Variants in HOMER2 observed in about 807,000 individuals in gnomAD.
HOMER2 encodes homer scaffold protein 2, also known as homer protein homolog 2.
In HOMER2, 27 loss-of-function variants were observed where a neutral mutation model predicts 47.0. The observed-to-expected ratio is 0.57, with a 90% CI of 0.42 to 0.79. HOMER2 has a LOEUF of 0.79. Among genes scored for constraint, HOMER2 ranks in the 30% least tolerant of loss-of-function variants. The probability of loss-of-function intolerance (pLI) is 0.00; values close to 1 mark genes in which losing one functional copy is unlikely to be tolerated. For synonymous variants in HOMER2, 161 were observed against 163.8 expected (o/e 0.98, Z 0.13); for missense variants, 443 against 435.0 (o/e 1.02, Z -0.16).
At chr15:82,864,783 T>G (rs2051911944) in intron 3 of HOMER2, among the ~76,000 whole-genome samples, 1 of 152,258 alleles carries the variant, frequency 6.6e-6, no homozygotes, top group Admixed American at 6.5e-5. Flanking sequence ...TATTAATATC[T>G]TAATAGTTCC....
chr15:82,865,455 G>A (rs575239721), intron 3 of HOMER2, among the ~76,000 whole-genome samples: 28 of 152,260 alleles, frequency 1.8e-4, no homozygotes, highest in Non-Finnish European at 3.5e-4. Flanking sequence ...TTTTAGGCTT[G>A]CACAGCCCTG....
intron 1 of HOMER2, among the ~76,000 whole-genome samples, chr15:82,974,835 C>T (rs886273084): frequency 1.3e-5 from 2 of 151,996 alleles, no homozygotes; most frequent in Non-Finnish European, 2.9e-5. Context: ...TTCGGGAGGC[C>T]GAGGCAGGTG....
chr15:82,895,212 C>A (rs2052867807), intron 1 of HOMER2, among the ~76,000 whole-genome samples: 1 of 152,208 alleles, frequency 6.6e-6, no homozygotes, highest in South Asian at 2.1e-4. Flanking sequence ...GGACAAGTGC[C>A]TCTGGGGCTG....
intron 1 of HOMER2, among the ~76,000 whole-genome samples, chr15:82,895,962 G>A (rs2052898890): frequency 6.6e-6 from 1 of 152,106 alleles, no homozygotes; most frequent in African/African-American, 2.4e-5. Flanking sequence ...GATATAATCA[G>A]ATGATCTAAA....
At chr15:82,857,571 C>T (rs1196030183) in intron 5 of HOMER2, among the ~76,000 whole-genome samples, 2 of 152,058 alleles carry the variant, frequency 1.3e-5, no homozygotes, top group Non-Finnish European at 2.9e-5. Context: ...GCTGGGATTA[C>T]AGGCATGTAT....
chr15:82,839,667 A>G (rs1167823188), exon 2 of HOMER2: 2 of 152,252 alleles, frequency 1.3e-5, no homozygotes, highest in Non-Finnish European at 2.9e-5. Flanking sequence ...GAAACAAAGC[A>G]AAAACTGTTA....
At chr15:82,977,474 G>A (rs1397218082) in intron 1 of HOMER2, among the ~76,000 whole-genome samples, 1 of 152,196 alleles carries the variant, frequency 6.6e-6, no homozygotes, top group East Asian at 1.9e-4. Context: ...GTGACCATCT[G>A]CTCAGAGAAA....
chr15:82,971,274 T>C (rs1023591596), intron 1 of HOMER2, among the ~76,000 whole-genome samples: 4 of 152,160 alleles, frequency 2.6e-5, no homozygotes, highest in African/African-American at 9.7e-5. Flanking sequence ...GCTCATGTGC[T>C]CCTTCCTGTA....
At chr15:82,922,979 T>C (rs1225684157) in intron 1 of HOMER2, among the ~76,000 whole-genome samples, 1 of 152,038 alleles carries the variant, frequency 6.6e-6, no homozygotes, top group Non-Finnish European at 1.5e-5. Flanking sequence ...AAGTGCAAAT[T>C]GGTCACCTCT....
rs1275275725 is a variant in HOMER2, at chr15:82,854,708, C to A, written c.587G>T (p.Ser196Ile). The change falls in exon 6 of 9, where the codon AGT becomes ATT. Residue 196 changes from serine (S) to isoleucine (I), a missense_variant. Coordinates refer to ENST00000450735, the MANE Select transcript of HOMER2 (RefSeq NM_004839.4). ...GAACTGCCTCTTCCACTGCTCCACA[C>A]TGGCTGCCGACTCCTGCAGTGCTGT... ...LTTALQESAA[S>I]VEQWKRQFSI... 1 of 1,613,058 alleles carries A rather than the reference C, an allele frequency of 6.2e-7. No individual in the cohort carries two copies. Among genetic ancestry groups the A allele is most frequent in the Non-Finnish European group, 8.5e-7 (1 of 1,179,886 alleles).
At chr15:82,904,965 G>A (rs908442073) in intron 1 of HOMER2, among the ~76,000 whole-genome samples, 1 of 152,206 alleles carries the variant, frequency 6.6e-6, no homozygotes, top group Non-Finnish European at 1.5e-5. Flanking sequence ...TGGCAGGCAT[G>A]TTGGAATTAT....
chr15:82,897,938 A>G (rs2052988215), intron 1 of HOMER2, among the ~76,000 whole-genome samples: 1 of 152,248 alleles, frequency 6.6e-6, no homozygotes, highest in African/African-American at 2.4e-5. Flanking sequence ...ACACACAGCA[A>G]TGTGGTTTAA....
At chr15:82,868,523 T>TATA (rs2052055665) in intron 3 of HOMER2, among the ~76,000 whole-genome samples, 12 of 36,638 alleles carry the variant, frequency 3.3e-4, no homozygotes, top group South Asian at 3.6e-3. Flanking sequence ...CTTATTTATT[T>TATA]TATATATATA....
chr15:82,931,281 C>T lies in HOMER2; in HGVS notation c.5+21250G>A, dbSNP rs114889976. Among the ~76,000 whole-genome samples, 1,514 of 152,230 alleles carry T rather than the reference C, an allele frequency of 9.9e-3. 20 individuals are homozygous for T. Among genetic ancestry groups the T allele is most frequent in the African/African-American group, 0.035 (1,446 of 41,536 alleles). ...AGAGCTCTGCCCTTGAGAGACAGGC[C>T]CCCTGGGGCCACAGTGTGACCAGCC... On this transcript the variant is annotated intron_variant, in intron 1 of 8. Transcript: ENST00000450735.
chr15:82,936,778 T>G (rs2054152058), intron 1 of HOMER2, among the ~76,000 whole-genome samples: 1 of 151,622 alleles, frequency 6.6e-6, no homozygotes, highest in South Asian at 2.1e-4. Flanking sequence ...GGTTTCTCCA[T>G]GAACTCCTGA....
Position 82,840,275 on chromosome 15 carries a change from CAGTAAAAT to C in HOMER2, c.*6991_*6998del, listed in dbSNP as rs1319491090. ...CGAAAAGAATCATGAAATAGTAAAA[CAGTAAAAT>C]TAAGATATAAATCTCAGAGTTGGTT... On this transcript the variant is annotated 3_prime_UTR_variant, in exon 2 of 2. Transcript: ENST00000558090. 3 of 151,914 alleles carry C rather than the reference CAGTAAAAT, an allele frequency of 2.0e-5. No individual in the cohort carries two copies. The East Asian group carries it at 5.8e-4, about 29-fold the overall frequency. The allele number at this position is 151,914 out of a possible 1,614,324, so 9.4% of individuals were successfully genotyped here.
At chr15:82,935,197 C>T (rs564764956) in intron 1 of HOMER2, among the ~76,000 whole-genome samples, 1 of 152,314 alleles carries the variant, frequency 6.6e-6, no homozygotes, top group South Asian at 2.1e-4. Context: ...GCTCCCTTAA[C>T]AGTCAACTTC....
At chr15:82,977,515 C>G (rs1349993951) in intron 1 of HOMER2, among the ~76,000 whole-genome samples, 1 of 152,012 alleles carries the variant, frequency 6.6e-6, no homozygotes, top group Non-Finnish European at 1.5e-5. Flanking sequence ...TTTTCAGAGC[C>G]TCAAATCAGT....
At chr15:82,841,836 A>G (rs2051179114) in exon 2 of HOMER2, 1 of 152,230 alleles carries the variant, frequency 6.6e-6, no homozygotes, top group South Asian at 2.1e-4. Context: ...AGAATGAGGT[A>G]GATTGATGTG....
Sources: allele counts gnomAD v4.1 joint callset (sites outside exome capture counted in the v4.1 genomes callset), GRCh38; gene constraint gnomAD v4.1.1; transcripts MANE v1.5; gene names NCBI Gene and HGNC (gene_info 2026-07-23, HGNC 2026-07-21).